KCNMB3: variants seen among roughly 807,000 people sequenced by gnomAD.
KCNMB3 encodes the protein calcium-activated potassium channel subunit beta-3.
A neutral mutation model predicts 11.9 loss-of-function variants in KCNMB3; 18 were observed. The ratio of observed to expected loss-of-function variants is 1.51; its 90% CI spans 1.04 to 2.23. The LOEUF (loss-of-function observed/expected upper bound fraction) is 2.23, where lower values mean the gene tolerates loss of function less well. KCNMB3 is among the 30% of genes most tolerant of loss of function. The pLI is 0.00. For missense variants in KCNMB3, 247 were observed against 329.4 expected (o/e 0.75, Z 1.94); for synonymous variants, 78 against 119.2 (o/e 0.65, Z 2.25).
At chr3:179,258,910 T>G in intron 1 of KCNMB3, 1 of 1,609,760 alleles carries the variant, frequency 6.2e-7, no homozygotes, top group East Asian at 2.2e-5. Context: ...GTGATTGGCA[T>G]ACAGTGCATC....
upstream of KCNMB3, chr3:179,251,154 C>G (rs1725830874): frequency 6.2e-7 from 1 of 1,613,306 alleles, no homozygotes; most frequent in African/African-American, 1.3e-5. Flanking sequence ...GATATTGTAG[C>G]AAACAAGCCT....
chr3:179,265,570 C>T (rs138461084), intron 1 of KCNMB3, among the ~76,000 whole-genome samples: 2,553 of 152,282 alleles, frequency 0.017, 83 homozygotes, highest in African/African-American at 0.057. Context: ...AATTCTCCAG[C>T]CTCAGCCTCC....
upstream of KCNMB3, among the ~76,000 whole-genome samples, chr3:179,255,353 A>C (rs1441746563): frequency 1.3e-5 from 2 of 152,004 alleles, no homozygotes; most frequent in East Asian, 3.8e-4. Context: ...AAGGATCCAA[A>C]ATGTCAGAAA....
chr3:179,247,026 G>A (rs1437905495), intron 1 of KCNMB3, among the ~76,000 whole-genome samples: 1 of 152,168 alleles, frequency 6.6e-6, no homozygotes, highest in Non-Finnish European at 1.5e-5. Flanking sequence ...ACTACGCAGG[G>A]CTTCTTAACT....
At chr3:179,255,762 C>T (rs1178735469), upstream of KCNMB3, among the ~76,000 whole-genome samples, 1 of 152,196 alleles carries the variant, frequency 6.6e-6, no homozygotes, top group Non-Finnish European at 1.5e-5. Flanking sequence ...AAACACATCA[C>T]AGATATATTG....
At chr3:179,257,979 G>A (rs903049901) in intron 1 of KCNMB3, among the ~76,000 whole-genome samples, 2 of 152,146 alleles carry the variant, frequency 1.3e-5, no homozygotes, top group African/African-American at 4.8e-5. Context: ...CCGCCTCGCA[G>A]GTTCAAGCGA....
At chr3:179,261,052 G>A (rs1391552540) in intron 1 of KCNMB3, 2 of 1,032,646 alleles carry the variant, frequency 1.9e-6, no homozygotes, top group Non-Finnish European at 3.1e-6. Context: ...AGGCCAGCGT[G>A]GCTGCAGACG....
chr3:179,261,074 T>TTACG (rs1177440589), intron 1 of KCNMB3: 3 of 1,101,266 alleles, frequency 2.7e-6, no homozygotes, highest in Non-Finnish European at 4.1e-6. Flanking sequence ...GCCCAGCATG[T>TTACG]TACGAGACCC....
chr3:179,259,271 G>A, intron 1 of KCNMB3: 6 of 1,545,294 alleles, frequency 3.9e-6, no homozygotes, highest in Non-Finnish European at 5.2e-6. Flanking sequence ...GTACGGTGCA[G>A]TGATCTGCAT....
At position 179,263,874 on chromosome 3, in the gene KCNMB3, C is replaced by T. The variant is rs145721195; in HGVS notation, c.62+2775G>A. 2.3e-3 allele frequency among the ~76,000 whole-genome samples: 283 copies of T among 125,224 alleles called. 3 individuals are homozygous for T. Among genetic ancestry groups the T allele is most frequent in the African/African-American group, 8.1e-3 (265 of 32,660 alleles). 82.2% of individuals were successfully genotyped at this position (125,224 alleles called of 152,430 possible). A position where few individuals can be genotyped will look rare whatever the true frequency, so the allele number is the denominator to read the frequency against. ...AGGCTGCAGTGCAGTGGCATGATCT[C>T]AGCTCACTACAACCTCTGCTTCCCG... On this transcript the variant is annotated intron_variant, in intron 1 of 3. Transcript: ENST00000349697.
chr3:179,256,297 G>A (rs547673327), upstream of KCNMB3, among the ~76,000 whole-genome samples: 1 of 152,034 alleles, frequency 6.6e-6, no homozygotes, highest in Admixed American at 6.6e-5. Flanking sequence ...TTAGCTGGAC[G>A]TGGTGGCACA....
chr3:179,257,884 G>A, intron 1 of KCNMB3, among the ~76,000 whole-genome samples: 1 of 151,696 alleles, frequency 6.6e-6, no homozygotes, highest in Admixed American at 6.6e-5. Flanking sequence ...GTGTGTGTGT[G>A]TGTGTGTGTG....
chr3:179,261,502 T>G (rs1424759952), intron 1 of KCNMB3, among the ~76,000 whole-genome samples: 1 of 144,138 alleles, frequency 6.9e-6, no homozygotes, highest in Admixed American at 7.0e-5. Flanking sequence ...GGCCGCGGGC[T>G]GAGCCTGGCC....
At chr3:179,263,191 C>T (rs895501110) in intron 1 of KCNMB3, among the ~76,000 whole-genome samples, 1 of 152,250 alleles carries the variant, frequency 6.6e-6, no homozygotes, top group African/African-American at 2.4e-5. Flanking sequence ...GTCCCAAGCC[C>T]TGCCCCGCGG....
At chr3:179,246,774 A>T (rs1725657843) in intron 1 of KCNMB3, among the ~76,000 whole-genome samples, 1 of 152,210 alleles carries the variant, frequency 6.6e-6, no homozygotes, top group South Asian at 2.1e-4. Context: ...TTGACCGAGT[A>T]CTGAACTGAG....
intron 1 of KCNMB3, among the ~76,000 whole-genome samples, chr3:179,247,256 T>C (rs531083468): frequency 1.4e-4 from 21 of 152,238 alleles, no homozygotes; most frequent in African/African-American, 3.9e-4. Context: ...TTTTTAAAAA[T>C]GATCTGCCTG....
chr3:179,254,019 G>A (rs1308913240), upstream of KCNMB3, among the ~76,000 whole-genome samples: 1 of 152,160 alleles, frequency 6.6e-6, no homozygotes, highest in East Asian at 1.9e-4. Context: ...AACCCAGAAA[G>A]GAAGGTGGAC....
chr3:179,263,504 G>A (rs895660363), intron 1 of KCNMB3, among the ~76,000 whole-genome samples: 3 of 150,882 alleles, frequency 2.0e-5, no homozygotes, highest in Non-Finnish European at 4.4e-5. Flanking sequence ...CGGAGAGCGA[G>A]CGAGGGCTGC....
chr3:179,262,599 TTC>T (rs1437380004), intron 1 of KCNMB3, among the ~76,000 whole-genome samples: 5 of 152,250 alleles, frequency 3.3e-5, no homozygotes, highest in South Asian at 2.1e-4. Context: ...CCTACTTTTA[TTC>T]TCTTATCTGG....
Sources: gnomAD v4.1 joint callset for allele counts (sites outside exome capture counted in the v4.1 genomes callset) on GRCh38, gnomAD v4.1.1 for gene constraint, MANE v1.5 for transcripts, NCBI Gene and HGNC (gene_info 2026-07-23, HGNC 2026-07-21) for gene names.